The following SLC35F4 variants were observed in gnomAD, a reference collection of about 807,000 sequenced individuals.
SLC35F4 encodes solute carrier family 35 member F4, also known as chromosome 14 open reading frame 36.
In SLC35F4, 24 loss-of-function variants were observed where a neutral mutation model predicts 44.2. The ratio of observed to expected loss-of-function variants is 0.54; its 90% CI spans 0.39 to 0.76. The LOEUF is 0.76. SLC35F4 is among the 30% of genes least tolerant of loss of function. The pLI is 0.00. For missense variants in SLC35F4, 562 were observed against 586.1 expected (o/e 0.96, Z 0.42); for synonymous variants, 238 against 223.6 (o/e 1.06, Z -0.57).
chr14:57,717,051 TGACTTAATA>T (rs1221599420), intron 1 of SLC35F4, among the ~76,000 whole-genome samples: 7 of 152,226 alleles, frequency 4.6e-5, no homozygotes, highest in Admixed American at 2.0e-4. Flanking sequence ...CATTTTTATA[TGACTTAATA>T]GTATTCCATT....
At chr14:57,825,197 C>T (rs909154172) in intron 1 of SLC35F4, among the ~76,000 whole-genome samples, 1 of 151,960 alleles carries the variant, frequency 6.6e-6, no homozygotes, top group Non-Finnish European at 1.5e-5. Context: ...AAGGAGAAGA[C>T]CATGAGAGCA....
rs185705545 is a variant in SLC35F4 at position 57,601,698 on chromosome 14, T to C, written c.104-7574A>G. 1.4e-3 allele frequency among the ~76,000 whole-genome samples: 212 copies of C among 152,312 alleles called. 1 individual carries two copies. The highest frequency in any genetic ancestry group is 4.8e-3 in the African/African-American group (201 of 41,568). On this transcript the variant is annotated intron_variant, in intron 1 of 7. Transcript: ENST00000556826. ...TAGTAGTAATCTATCTAGAATACAA[T>C]TTATCTTCTCTACTTGTAATCAACT...
chr14:57,976,318 G>A (rs757618590), downstream of SLC35F4, among the ~76,000 whole-genome samples: 1 of 152,188 alleles, frequency 6.6e-6, no homozygotes, highest in Non-Finnish European at 1.5e-5. Flanking sequence ...AGGATTGGGG[G>A]CAGGGGGAGG....
At chr14:57,964,911 C>T (rs774532910) in intron 1 of SLC35F4, among the ~76,000 whole-genome samples, 9 of 149,906 alleles carry the variant, frequency 6.0e-5, no homozygotes, top group Non-Finnish European at 1.3e-4. Flanking sequence ...CATCACTAGG[C>T]TTCCATGTGC....
chr14:57,852,700 G>A (rs1249689383), intron 1 of SLC35F4, among the ~76,000 whole-genome samples: 1 of 152,166 alleles, frequency 6.6e-6, no homozygotes, highest in South Asian at 2.1e-4. Context: ...ACTCCAGCAG[G>A]GAAGATGGTG....
chr14:57,951,825 A>G (rs1372790186), intron 1 of SLC35F4, among the ~76,000 whole-genome samples: 1 of 152,204 alleles, frequency 6.6e-6, no homozygotes, highest in African/African-American at 2.4e-5. Context: ...CCTGGGACAG[A>G]GCACCAGAGG....
intron 1 of SLC35F4, among the ~76,000 whole-genome samples, chr14:57,608,677 A>G (rs1373908582): frequency 6.6e-6 from 1 of 151,968 alleles, no homozygotes; most frequent in Non-Finnish European, 1.5e-5. Flanking sequence ...GATCACCCAG[A>G]AGGAAAATGT....
At chr14:57,597,828 T>A (rs2070584722) in intron 1 of SLC35F4, among the ~76,000 whole-genome samples, 1 of 151,856 alleles carries the variant, frequency 6.6e-6, no homozygotes, top group East Asian at 1.9e-4. Flanking sequence ...TATACAAGAG[T>A]ATTGGAAATC....
chr14:57,872,880 T>C (rs1888324029), intron 1 of SLC35F4, among the ~76,000 whole-genome samples: 1 of 152,218 alleles, frequency 6.6e-6, no homozygotes. Context: ...CCTCAGGCTC[T>C]CTTTTCTGAA....
At chr14:57,973,775 C>T (rs910723615), downstream of SLC35F4, among the ~76,000 whole-genome samples, 2 of 152,132 alleles carry the variant, frequency 1.3e-5, no homozygotes, top group African/African-American at 2.4e-5. Flanking sequence ...GGATCCATGT[C>T]TAGAACTGAA....
At chr14:57,618,384 G>A (rs2071975877) in intron 1 of SLC35F4, among the ~76,000 whole-genome samples, 2 of 152,188 alleles carry the variant, frequency 1.3e-5, no homozygotes, top group Admixed American at 1.3e-4. Flanking sequence ...AGCCCACAGA[G>A]GGTAAGCAGA....
chr14:57,748,429 T>G (rs550594890), intron 1 of SLC35F4, among the ~76,000 whole-genome samples: 3 of 151,858 alleles, frequency 2.0e-5, no homozygotes, highest in African/African-American at 4.8e-5. Context: ...CTACAGTGGG[T>G]TTTTTTTAAA....
chr14:57,778,852 T>C (rs1006499999), intron 1 of SLC35F4, among the ~76,000 whole-genome samples: 5 of 152,000 alleles, frequency 3.3e-5, no homozygotes, highest in Non-Finnish European at 5.9e-5. Context: ...GGAAATTAAA[T>C]AAACTGCTCC....
intron 1 of SLC35F4, among the ~76,000 whole-genome samples, chr14:57,715,283 C>T (rs542421006): frequency 2.0e-5 from 3 of 152,114 alleles, no homozygotes; most frequent in Non-Finnish European, 4.4e-5. Context: ...TGGCTAACCA[C>T]AAGTTGAATA....
intron 3 of SLC35F4, among the ~76,000 whole-genome samples, chr14:57,584,489 A>C (rs1382950321): frequency 2.0e-5 from 3 of 152,172 alleles, no homozygotes; most frequent in African/African-American, 7.2e-5. Context: ...CTACAGGGAA[A>C]AAAAGATCGA....
chr14:57,611,842 G>A (rs896881688), intron 1 of SLC35F4, among the ~76,000 whole-genome samples: 1 of 152,162 alleles, frequency 6.6e-6, no homozygotes, highest in Non-Finnish European at 1.5e-5. Context: ...GAGAGTTCCA[G>A]CTAGATGAAG....
intron 1 of SLC35F4, among the ~76,000 whole-genome samples, chr14:57,613,149 C>T (rs1952512109): frequency 6.6e-6 from 1 of 152,174 alleles, no homozygotes; most frequent in Admixed American, 6.5e-5. Context: ...TGCTTACTAT[C>T]TTGGGAAGCT....
At chr14:57,690,231 T>C (rs74587412) in intron 1 of SLC35F4, among the ~76,000 whole-genome samples, 22,587 of 152,202 alleles carry the variant, frequency 0.15, 1,895 homozygotes, top group East Asian at 0.29. Context: ...CAAAAACTAT[T>C]GAGCACCTAC....
In SLC35F4 at chr14:57,746,555, A is replaced by G. The variant is rs190959090; in HGVS notation, c.103+119168T>C. On this transcript the variant is annotated intron_variant, in intron 1 of 7. Transcript: ENST00000556826. ...ACATTGCTGTATTCAATTTGGTAAT[A>G]TATTTATTTTTTGTATCTATTTCAT... 1.7e-3 allele frequency among the ~76,000 whole-genome samples: 257 copies of G among 152,196 alleles called. 3 individuals are homozygous for G. Among genetic ancestry groups the G allele is most frequent in the African/African-American group, 6.0e-3 (248 of 41,534 alleles).
Sources: gnomAD v4.1 joint callset for allele counts (sites outside exome capture counted in the v4.1 genomes callset) on GRCh38, gnomAD v4.1.1 for gene constraint, MANE v1.5 for transcripts, NCBI Gene and HGNC (gene_info 2026-07-23, HGNC 2026-07-21) for gene names.